The following SEC24B variants were observed in gnomAD, a reference collection of about 807,000 sequenced individuals.
SEC24B encodes protein transport protein Sec24B.
In SEC24B, 45 loss-of-function variants were observed where a neutral mutation model predicts 142.8. The ratio of observed to expected loss-of-function variants is 0.32; its 90% confidence interval spans 0.25 to 0.40. SEC24B has a LOEUF of 0.40. SEC24B is among the 10% of genes least tolerant of loss of function. SEC24B has a pLI of 1.00. For missense variants in SEC24B, 1,409 were observed against 1,526.8 expected, an observed-to-expected ratio of 0.92 and a Z score of 1.29; for synonymous variants, 574 against 568.2, an observed-to-expected ratio of 1.01 and a Z score of -0.15.
chr4:109,527,249 A>G (rs1051717922), intron 17 of SEC24B, 73 bp from the exon 18 acceptor site: 16 of 1,073,600 alleles, frequency 1.5e-5, no homozygotes, highest in Admixed American at 4.5e-5. Flanking sequence ...AAGAAAGAAA[A>G]AAAGTATTTG....
chr4:109,502,416 A>G (rs1736242778), intron 6 of SEC24B, among the ~76,000 whole-genome samples: 1 of 152,210 alleles, frequency 6.6e-6, no homozygotes, highest in Non-Finnish European at 1.5e-5. Context: ...ACAAAATGGA[A>G]ACAGAGAGAC....
chr4:109,536,664 G>T (rs1725571828), intron 22 of SEC24B, among the ~76,000 whole-genome samples: 2 of 151,988 alleles, frequency 1.3e-5, no homozygotes, highest in African/African-American at 4.8e-5. Context: ...TGGGTAGCTG[G>T]GACTACAGGC....
chr4:109,448,592 G>A lies in SEC24B; in HGVS notation c.134-14309G>A, dbSNP rs189626585. 2.4e-4 allele frequency among the ~76,000 whole-genome samples: 36 copies of A among 151,744 alleles called. 1 individual carries two copies. The highest frequency in any genetic ancestry group is 2.0e-3 in the Admixed American group (31 of 15,238). ...TGAGACTACAGGCACTTGCCACCAC[G>A]CCTGGCTAATTTTTGCGTTTTTGTA... On this transcript the variant is annotated intron_variant, in intron 1 of 23. Transcript: ENST00000265175.
At chr4:109,443,585 C>T (rs1184913544) in intron 1 of SEC24B, among the ~76,000 whole-genome samples, 1 of 152,070 alleles carries the variant, frequency 6.6e-6, no homozygotes, top group East Asian at 1.9e-4. Context: ...TATGTAGCTC[C>T]TCTTTACATA....
rs150649029 is a variant in SEC24B at position 109,437,374 on chromosome 4, C to T, written c.133+3372C>T. ...TCATAGCTAACTGCAGCCTCAACCTCCTGGGCTCAAGTGATCCTCCTGCCT... is the reference window on the plus strand; with the variant it reads ...TCATAGCTAACTGCAGCCTCAACCTTCTGGGCTCAAGTGATCCTCCTGCCT... On this transcript the variant is annotated intron_variant, in intron 1 of 23. Coordinates refer to ENST00000265175, the MANE Select transcript of SEC24B (RefSeq NM_006323.5). Among the ~76,000 whole-genome samples, 286 of 152,218 alleles carry T rather than the reference C, an allele frequency of 1.9e-3. 2 individuals carry two copies. The East Asian group carries it at 0.022, about 12-fold the overall frequency.
At chr4:109,509,632 G>A (rs1252257173) in intron 7 of SEC24B, among the ~76,000 whole-genome samples, 3 of 149,836 alleles carry the variant, frequency 2.0e-5, no homozygotes, top group Non-Finnish European at 4.4e-5. Flanking sequence ...AGCCGAGATC[G>A]GGCTGCTGCA....
chr4:109,537,714 C>T (rs1725713188), intron 22 of SEC24B, among the ~76,000 whole-genome samples: 1 of 152,102 alleles, frequency 6.6e-6, no homozygotes, highest in Admixed American at 6.6e-5. Context: ...ATATGATCCC[C>T]ATTTGTATTT....
intron 6 of SEC24B, among the ~76,000 whole-genome samples, chr4:109,505,333 C>T (rs1394020803): frequency 1.3e-5 from 2 of 151,634 alleles, no homozygotes; most frequent in Admixed American, 6.6e-5. Context: ...TGGGATATAA[C>T]GTAAGGACAA....
At chr4:109,510,987 A>G (rs1737257272) in intron 8 of SEC24B, among the ~76,000 whole-genome samples, 1 of 152,124 alleles carries the variant, frequency 6.6e-6, no homozygotes, top group South Asian at 2.1e-4. Context: ...ATCAAAATGA[A>G]TAGAAAATAA....
intron 2 of SEC24B, among the ~76,000 whole-genome samples, chr4:109,471,573 TTTA>T (rs1280040173): frequency 6.6e-6 from 1 of 152,190 alleles, no homozygotes; most frequent in Non-Finnish European, 1.5e-5. Context: ...ATAACAATGA[TTTA>T]TTATTTTTCT....
chr4:109,539,219 C>T (rs1352267298), intron 23 of SEC24B, among the ~76,000 whole-genome samples: 1 of 152,068 alleles, frequency 6.6e-6, no homozygotes, highest in Non-Finnish European at 1.5e-5. Flanking sequence ...ACCTCGGCCT[C>T]TCAAAGTGCT....
intron 4 of SEC24B, among the ~76,000 whole-genome samples, chr4:109,489,708 T>C (rs889682114): frequency 6.7e-6 from 1 of 149,406 alleles, no homozygotes; most frequent in South Asian, 2.1e-4. Context: ...TATGGTCTTT[T>C]TTGTTTGATT....
At chr4:109,473,344 G>C (rs926991451) in intron 3 of SEC24B, among the ~76,000 whole-genome samples, 158 bp downstream of exon 3, 2 of 152,064 alleles carry the variant, frequency 1.3e-5, no homozygotes, top group Non-Finnish European at 2.9e-5. Context: ...ATACCATTTT[G>C]TATTTTGCTT....
intron 1 of SEC24B, among the ~76,000 whole-genome samples, chr4:109,462,578 G>C (rs1470500868): frequency 6.6e-6 from 1 of 152,126 alleles, no homozygotes; most frequent in Non-Finnish European, 1.5e-5. Flanking sequence ...TCAGACTGGG[G>C]TATCTGAGAG....
chr4:109,474,926 T>C (rs1732945661), intron 3 of SEC24B, among the ~76,000 whole-genome samples: 1 of 152,246 alleles, frequency 6.6e-6, no homozygotes, highest in African/African-American at 2.4e-5. Flanking sequence ...TCTCATTAAT[T>C]CACATATTAA....
At chr4:109,452,748 G>A (rs992419470) in intron 1 of SEC24B, among the ~76,000 whole-genome samples, 1 of 152,076 alleles carries the variant, frequency 6.6e-6, no homozygotes, top group African/African-American at 2.4e-5. Context: ...TATTTTTTTA[G>A]TTGAGTTTTA....
At position 109,524,904 on chromosome 4, in the gene SEC24B, C is replaced by A; in HGVS notation, c.2595C>A (p.Phe865Leu). Residue 865 changes from phenylalanine (F) to leucine (L), a missense_variant, in exon 15 of 24, where the codon TTC becomes TTA. By Grantham distance (22) the Phe-to-Leu change is conservative (BLOSUM62 0). This residue lies in a region of SEC24B where 700 missense variants were observed against 853.3 expected (regional missense o/e 0.82). Transcript: ENST00000265175. ...CSGQQTAVDL[F>L]LLSSQYSDLA... ...GACAGCAAACTGCAGTGGATTTGTT[C>A]CTTTTAAGTTCACAGTATTCTGATC... 6.2e-7 allele frequency: 1 copy of A among 1,612,074 alleles called. No individual in the cohort carries two copies.
At chr4:109,516,490 A>G in intron 10 of SEC24B, 38 bp from the exon 11 acceptor site, 3 of 1,241,720 alleles carry the variant, frequency 2.4e-6, no homozygotes, top group Non-Finnish European at 3.5e-6. Context: ...AATAAATTGT[A>G]CCTACCAAAT....
At chr4:109,490,520 A>AT (rs371481881) in intron 4 of SEC24B, among the ~76,000 whole-genome samples, 71 of 152,170 alleles carry the variant, frequency 4.7e-4, no homozygotes, top group African/African-American at 1.7e-3. Context: ...GATCATGCAG[A>AT]TTTTTTATTT....
Sources: gnomAD v4.1 joint callset for allele counts (sites outside exome capture counted in the v4.1 genomes callset) on GRCh38, gnomAD v4.1.1 for gene constraint, gnomAD v4.1.1 regional missense constraint, MANE v1.5 for transcripts, NCBI Gene and HGNC (gene_info 2026-07-23, HGNC 2026-07-21) for gene names.